Variants in CDKN2A observed in about 807,000 individuals in gnomAD.
CDKN2A encodes the protein cyclin-dependent kinase inhibitor 2A.
CDKN2A carries 3 observed loss-of-function variants against 11.1 expected under a neutral mutation model. The observed-to-expected ratio is 0.27, with a 90% CI of 0.12 to 0.70. CDKN2A has a LOEUF of 0.70. CDKN2A is among the 30% of genes least tolerant of loss of function. The pLI is 0.77. For missense variants in CDKN2A, 265 were observed against 233.6 expected (o/e 1.13, Z -0.88); for synonymous variants, 122 against 108.1 (o/e 1.13, Z -0.80).
In CDKN2A at chr9:21,991,930, C is replaced by A; in HGVS notation, c.-4+1952G>T. 1 of 984,398 alleles carries A rather than the reference C, an allele frequency of 1.0e-6. No homozygotes were observed. Among genetic ancestry groups the A allele is most frequent in the Non-Finnish European group, 1.2e-6 (1 of 829,074 alleles). The allele number at this position is 984,398 out of a possible 1,614,324, so 61.0% of individuals were successfully genotyped here. On this transcript the variant is annotated intron_variant, in intron 2 of 3. Coordinates refer to the CDKN2A transcript ENST00000494262. This position sits in a 1 kb window ranked among gnomAD's most constrained non-coding sequence, Gnocchi z 5.2. ...CTATTAAAGAAAAAAATAACCTGAG[C>A]CTTCTGAAGTAGCTATAAACAAATG... is the stretch of plus-strand genomic sequence containing the variant.
At chr9:21,973,713 G>C (rs1213879932) in intron 1 of CDKN2A, among the ~76,000 whole-genome samples, 1 of 152,142 alleles carries the variant, frequency 6.6e-6, no homozygotes, top group Non-Finnish European at 1.5e-5. Flanking sequence ...GATAGTAAAA[G>C]AGCAAAAATG....
At chr9:21,980,872 T>G (rs542575480) in intron 2 of CDKN2A, among the ~76,000 whole-genome samples, 118 of 144,946 alleles carry the variant, frequency 8.1e-4, no homozygotes, top group Non-Finnish European at 1.3e-3. Context: ...GGAAGGAGAA[T>G]GGCGTGAACC....
intron 1 of CDKN2A, among the ~76,000 whole-genome samples, chr9:21,971,911 C>T (rs1157172477): frequency 7.9e-5 from 12 of 151,972 alleles, no homozygotes; most frequent in Admixed American, 5.9e-4. Context: ...TACTATTTAG[C>T]TATATTCATC....
In CDKN2A at chr9:21,970,997, A is replaced by C. The variant is rs1162584542; in HGVS notation, c.362T>G (p.Leu121Arg). The C allele has an allele frequency of 6.2e-7, 1 of 1,609,504 alleles. No homozygotes were observed. The highest frequency in any genetic ancestry group is 8.5e-7 in the Non-Finnish European group (1 of 1,179,950). Reference sequence around the variant, plus strand: ...GTACCGTGCGACATCGCGATGGCCCAGCTCCTCAGCCAGGTCCACGGGCAG... The same window carrying C: ...GTACCGTGCGACATCGCGATGGCCCCGCTCCTCAGCCAGGTCCACGGGCAG... ...GRLPVDLAEE[L>R]GHRDVARYLR... Residue 121 changes from leucine (L) to arginine (R), a missense_variant, in exon 2 of 3, where the codon CTG becomes CGG. By Grantham distance (102) the Leu-to-Arg change is moderately radical (BLOSUM62 -2). Transcript: ENST00000304494.
chr9:21,975,572 C>G (rs1018271840), upstream of CDKN2A, among the ~76,000 whole-genome samples: 16 of 152,172 alleles, frequency 1.1e-4, no homozygotes, highest in Non-Finnish European at 1.9e-4. Context: ...CCTTCCCCTC[C>G]CCTTCCCCTC....
intron 2 of CDKN2A, among the ~76,000 whole-genome samples, chr9:21,986,454 A>G (rs1465367053): frequency 6.6e-6 from 1 of 151,966 alleles, no homozygotes; most frequent in Admixed American, 6.6e-5. Context: ...GCGACTTTCA[A>G]AATAATAGTT....
At position 21,968,230 on chromosome 9, in the gene CDKN2A, C is replaced by A. The variant is rs1473161353; in HGVS notation, c.470G>T (p.Ter157LeuextTer13). The change falls in exon 3 of 3, where the codon TGA becomes TTA. Residue 157 changes from the stop codon to leucine (L), a stop_lost. Coordinates refer to ENST00000304494, the MANE Select transcript of CDKN2A (RefSeq NM_000077.5). The surrounding 1 kb of genome is among the most constrained non-coding windows in gnomAD (Gnocchi z 4.7). The stretch of plus-strand genomic sequence containing the variant: ...TTTCTCAGAGCCTCTCTGGTTCTTT[C>A]AATCGGGGATGTCTGCAGAGGGCAG... ...AAEGPSDIPD[*>L] 1 of 1,613,894 alleles carries A rather than the reference C, an allele frequency of 6.2e-7. No homozygotes were observed. Among genetic ancestry groups the A allele is most frequent in the Non-Finnish European group, 8.5e-7 (1 of 1,179,928 alleles).
intron 2 of CDKN2A, among the ~76,000 whole-genome samples, chr9:21,993,012 G>T (rs1293731717): frequency 6.6e-6 from 1 of 152,072 alleles, no homozygotes; most frequent in Non-Finnish European, 1.5e-5. Context: ...ATAAATTTTT[G>T]CTAATAGAAA....
chr9:21,994,463 C>G, intron 1 of CDKN2A: 2 of 1,534,686 alleles, frequency 1.3e-6, no homozygotes, highest in Non-Finnish European at 8.7e-7. Flanking sequence ...ATCTCCGCCC[C>G]GCAGGCGCGC....
chr9:21,980,718 G>T (rs976670067), intron 2 of CDKN2A, among the ~76,000 whole-genome samples: 2 of 151,546 alleles, frequency 1.3e-5, no homozygotes, highest in Non-Finnish European at 2.9e-5. Flanking sequence ...CCAGCACTTT[G>T]GGAGGCCGAG....
At chr9:21,978,388 C>T (rs1208622222), upstream of CDKN2A, among the ~76,000 whole-genome samples, 1 of 152,090 alleles carries the variant, frequency 6.6e-6, no homozygotes, top group African/African-American at 2.4e-5. Context: ...ACCTGAGGTG[C>T]AAAATCCTAG....
Position 21,994,500 on chromosome 9 carries a change from C to G in CDKN2A, c.-176+321G>C, listed in dbSNP as rs769956861. 7.0e-6 allele frequency: 10 copies of G among 1,430,484 alleles called. No homozygotes were observed. Among genetic ancestry groups the G allele is most frequent in the Non-Finnish European group, 8.3e-6 (9 of 1,087,156 alleles). 88.6% of individuals were successfully genotyped at this position (1,430,484 alleles called of 1,614,324 possible). On this transcript the variant is annotated intron_variant, in intron 1 of 3. Transcript: ENST00000494262. ...CCCGCCTTCCCTGAGCGCGCCCGCCCCCCACCTTCACCCCCACCCCCACCC... is the reference window on the plus strand; with the variant it reads ...CCCGCCTTCCCTGAGCGCGCCCGCCGCCCACCTTCACCCCCACCCCCACCC...
intron 2 of CDKN2A, chr9:21,992,581 T>A: frequency 2.7e-6 from 1 of 373,236 alleles, no homozygotes; most frequent in Non-Finnish European, 3.7e-6. Context: ...TTCTCTAACT[T>A]AAAATCACCA....
chr9:21,983,293 C>T (rs886912261), intron 2 of CDKN2A, among the ~76,000 whole-genome samples: 13 of 152,114 alleles, frequency 8.5e-5, no homozygotes, highest in South Asian at 2.1e-4. Context: ...TGAAAAACTA[C>T]CCCACACAAA....
upstream of CDKN2A, among the ~76,000 whole-genome samples, chr9:21,979,697 G>C (rs1039253578): frequency 2.6e-5 from 4 of 152,252 alleles, no homozygotes; most frequent in Middle Eastern, 3.4e-3. Flanking sequence ...TTTGAGAATC[G>C]TAAAGGTTTG....
chr9:21,989,182 G>A (rs1188419998), intron 2 of CDKN2A, among the ~76,000 whole-genome samples: 1 of 152,174 alleles, frequency 6.6e-6, no homozygotes, highest in Admixed American at 6.5e-5. Context: ...CATGAATTAG[G>A]ATATGGTAAA....
rs141814081 is a variant in CDKN2A at position 21,988,837 on chromosome 9, A to G, written c.-4+5045T>C. ...GCACTGTGCTATATCTGGAACTACA[A>G]ATATTAGTTAAATAGTCCAAGATTC... is the stretch of plus-strand genomic sequence containing the variant. On this transcript the variant is annotated intron_variant, in intron 2 of 3. Transcript: ENST00000494262. This position sits in a 1 kb window ranked among gnomAD's most constrained non-coding sequence, Gnocchi z 4.1. Among the ~76,000 whole-genome samples, 4 of 152,350 alleles carry G rather than the reference A, an allele frequency of 2.6e-5. No homozygotes were observed. Among genetic ancestry groups the G allele is most frequent in the African/African-American group, 9.6e-5 (4 of 41,582 alleles).
At chr9:21,975,168 C>T (rs1587341332), upstream of CDKN2A, 2 of 1,167,432 alleles carry the variant, frequency 1.7e-6, no homozygotes, top group South Asian at 3.3e-5. Flanking sequence ...GAGGACTGGG[C>T]TCCTCCCCAC....
chr9:21,968,959 G>T lies in CDKN2A; in HGVS notation c.458-717C>A, dbSNP rs1270939053. Among the ~76,000 whole-genome samples the T allele has an allele frequency of 1.3e-5, 2 of 152,122 alleles. No individual in the cohort carries two copies. Among genetic ancestry groups the T allele is most frequent in the East Asian group, 3.8e-4 (2 of 5,198 alleles). ...AAAGTCTCTTTTTACGTTTATTCCT[G>T]AGGCAGCATTTGCACTTGAGTTTCT... is the stretch of plus-strand genomic sequence containing the variant. On this transcript the variant is annotated intron_variant, in intron 2 of 2. Coordinates refer to ENST00000304494, the MANE Select transcript of CDKN2A (RefSeq NM_000077.5). The surrounding 1 kb of genome is among the most constrained non-coding windows in gnomAD (Gnocchi z 4.7).
Sources: gnomAD v4.1 joint callset for allele counts (sites outside exome capture counted in the v4.1 genomes callset) on GRCh38, gnomAD v4.1.1 for gene constraint, Gnocchi (gnomAD v3.1) non-coding constraint, MANE v1.5 for transcripts, NCBI Gene and HGNC (gene_info 2026-07-23, HGNC 2026-07-21) for gene names.